MYRIP: variants seen among roughly 807,000 people sequenced by gnomAD.
MYRIP encodes myosin VIIA and Rab interacting protein, also known as rab effector MyRIP.
MYRIP carries 49 observed loss-of-function variants against 98.0 expected under a neutral mutation model. The observed-to-expected ratio is 0.50, with a 90% CI of 0.40 to 0.63. The LOEUF (loss-of-function observed/expected upper bound fraction) is 0.63. Among genes scored for constraint, MYRIP ranks in the 30% least tolerant of loss-of-function variants. The pLI is 0.00. For missense variants in MYRIP, 1,004 were observed against 1,058.2 expected, an observed-to-expected ratio of 0.95 and a Z score of 0.71; for synonymous variants, 404 against 409.5, an observed-to-expected ratio of 0.99 and a Z score of 0.16.
chr3:39,888,241 A>G (rs1487057139), intron 1 of MYRIP, among the ~76,000 whole-genome samples: 1 of 152,186 alleles, frequency 6.6e-6, no homozygotes, highest in African/African-American at 2.4e-5. Flanking sequence ...AGCCAAAAGA[A>G]CAAAGCTGGA....
intron 2 of MYRIP, among the ~76,000 whole-genome samples, chr3:39,984,796 C>T (rs544929304): frequency 0.018 from 2,763 of 151,860 alleles, 72 homozygotes; most frequent in African/African-American, 0.062. Flanking sequence ...CCTGAGGAAT[C>T]GCCACACTGA....
At chr3:39,873,933 A>T (rs1942891086) in intron 1 of MYRIP, among the ~76,000 whole-genome samples, 1 of 151,998 alleles carries the variant, frequency 6.6e-6, no homozygotes, top group Non-Finnish European at 1.5e-5. Context: ...CTTGGGCAGT[A>T]TGGCCATTTT....
intron 4 of MYRIP, 46 bp from the exon 5 acceptor site, chr3:40,162,684 C>A: frequency 6.4e-7 from 1 of 1,557,330 alleles, no homozygotes; most frequent in Non-Finnish European, 8.9e-7. Flanking sequence ...CACTGAAGAC[C>A]TTTGATAATC....
At chr3:40,062,649 G>T (rs942024579) in intron 3 of MYRIP, among the ~76,000 whole-genome samples, 2 of 152,122 alleles carry the variant, frequency 1.3e-5, no homozygotes, top group Non-Finnish European at 2.9e-5. Flanking sequence ...AAATGACTGT[G>T]CTTTACATTT....
intron 2 of MYRIP, among the ~76,000 whole-genome samples, chr3:39,966,015 C>T (rs1210893205): frequency 6.6e-6 from 1 of 152,112 alleles, no homozygotes; most frequent in Non-Finnish European, 1.5e-5. Flanking sequence ...CAGGAAAGGC[C>T]ATTAGCAAAA....
intron 3 of MYRIP, among the ~76,000 whole-genome samples, chr3:40,073,091 A>G (rs1948265603): frequency 6.6e-6 from 1 of 152,176 alleles, no homozygotes; most frequent in Admixed American, 6.5e-5. Flanking sequence ...TTTACTGAGA[A>G]AATTCTGACT....
intron 11 of MYRIP, among the ~76,000 whole-genome samples, chr3:40,225,330 G>T (rs1179956550): frequency 6.6e-6 from 1 of 152,162 alleles, no homozygotes; most frequent in Non-Finnish European, 1.5e-5. Flanking sequence ...CTGTGGTGTG[G>T]CTTGGTCTTT....
At position 40,084,690 on chromosome 3, in the gene MYRIP, A is replaced by G. The variant is rs143989253; in HGVS notation, c.332+40419A>G. Among the ~76,000 whole-genome samples, 24 of 145,042 alleles carry G rather than the reference A, an allele frequency of 1.7e-4. 1 individual carries two copies. The highest frequency in any genetic ancestry group is 6.3e-4 in the African/African-American group (23 of 36,628). On this transcript the variant is annotated intron_variant, in intron 3 of 16. Transcript: ENST00000302541. The stretch of plus-strand genomic sequence containing the variant: ...ACATATCGATAGATAATATCTATGT[A>G]TTACATATCGATAGATAATATGTAT...
intron 2 of MYRIP, among the ~76,000 whole-genome samples, chr3:39,974,907 A>T (rs1167306871): frequency 6.6e-6 from 1 of 152,056 alleles, no homozygotes; most frequent in African/African-American, 2.4e-5. Flanking sequence ...TCTCAATAAG[A>T]GCTATCTATG....
chr3:39,845,171 T>C (rs1305249249), intron 1 of MYRIP, among the ~76,000 whole-genome samples: 2 of 152,098 alleles, frequency 1.3e-5, no homozygotes, highest in Non-Finnish European at 2.9e-5. Context: ...AATAGTAGAC[T>C]CTACTCTGGT....
chr3:39,887,203 A>G (rs1943330854), intron 1 of MYRIP, among the ~76,000 whole-genome samples: 1 of 152,130 alleles, frequency 6.6e-6, no homozygotes, highest in African/African-American at 2.4e-5. Flanking sequence ...TGTAGAGGGA[A>G]ATTTGTAGCA....
chr3:40,168,585 A>G (rs2125596189), intron 7 of MYRIP, among the ~76,000 whole-genome samples: 1 of 152,356 alleles, frequency 6.6e-6, no homozygotes, highest in African/African-American at 2.4e-5. Flanking sequence ...TTTATTGCTC[A>G]CACATCTGCA....
chr3:39,909,415 T>C (rs748870769), intron 2 of MYRIP, among the ~76,000 whole-genome samples: 6 of 152,092 alleles, frequency 3.9e-5, no homozygotes, highest in Non-Finnish European at 7.4e-5. Flanking sequence ...ATGAAAGGGG[T>C]GAAAGGGCAG....
chr3:39,932,367 T>C (rs6792472), intron 2 of MYRIP, among the ~76,000 whole-genome samples: 3,858 of 148,832 alleles, frequency 0.026, 168 homozygotes, highest in African/African-American at 0.091. Flanking sequence ...ACAAAATGAG[T>C]CTTTTTTTTT....
In MYRIP at chr3:40,246,217, A is replaced by G. The variant is rs369171088; in HGVS notation, c.2262+1610A>G. On this transcript the variant is annotated intron_variant, in intron 13 of 16. Coordinates refer to ENST00000302541, the MANE Select transcript of MYRIP (RefSeq NM_015460.4). Reference sequence around the variant, plus strand: ...ATTTAGGATGCACCCAGAAAAAAAGAGACAGAAACCACAGTAGGATCTGTG... The same window carrying G: ...ATTTAGGATGCACCCAGAAAAAAAGGGACAGAAACCACAGTAGGATCTGTG... 9.2e-5 allele frequency among the ~76,000 whole-genome samples: 14 copies of G among 152,210 alleles called. No individual in the cohort carries two copies. The East Asian group carries it at 2.7e-3, about 29-fold the overall frequency.
At position 39,854,272 on chromosome 3, in the gene MYRIP, G is replaced by A. The variant is rs114858145; in HGVS notation, c.-31+44356G>A. 8.3e-3 allele frequency among the ~76,000 whole-genome samples: 1,257 copies of A among 152,198 alleles called. 12 individuals are homozygous for A. Among genetic ancestry groups the A allele is most frequent in the Middle Eastern group, 0.014 (4 of 294 alleles). On this transcript the variant is annotated intron_variant, in intron 1 of 16. Transcript: ENST00000302541. ...CTTTTAGATTTCTTTTCTTCATTAG[G>A]AATACCAATTATTCTTAGGTTTGGT...
At chr3:40,174,789 A>C (rs1401827361) in intron 8 of MYRIP, 1 of 152,248 alleles carries the variant, frequency 6.6e-6, no homozygotes, top group Non-Finnish European at 1.5e-5. Flanking sequence ...ACCCTCATAG[A>C]TAACCATTTT....
At chr3:39,923,024 G>T (rs1204433024) in intron 2 of MYRIP, among the ~76,000 whole-genome samples, 2 of 152,114 alleles carry the variant, frequency 1.3e-5, no homozygotes, top group Non-Finnish European at 2.9e-5. Context: ...GGAAATAAAG[G>T]ATATAAAGAA....
intron 2 of MYRIP, among the ~76,000 whole-genome samples, chr3:39,952,027 A>G (rs1321366337): frequency 1.3e-5 from 2 of 152,082 alleles, no homozygotes; most frequent in Non-Finnish European, 2.9e-5. Context: ...CTATCCTCAA[A>G]AGTTCCCTTT....
Sources: gnomAD v4.1 joint callset for allele counts (sites outside exome capture counted in the v4.1 genomes callset) on GRCh38, gnomAD v4.1.1 for gene constraint, MANE v1.5 for transcripts, NCBI Gene and HGNC (gene_info 2026-07-23, HGNC 2026-07-21) for gene names.